PAX6: variants seen among roughly 807,000 people sequenced by gnomAD.
PAX6 encodes the protein paired box protein Pax-6.
Under a neutral mutation model 60.7 loss-of-function variants are expected in PAX6, and 7 were observed. The ratio of observed to expected loss-of-function variants is 0.12; its 90% CI spans 0.07 to 0.22. The LOEUF (loss-of-function observed/expected upper bound fraction) is 0.22. Among genes scored for constraint, PAX6 ranks in the 10% least tolerant of loss-of-function variants. PAX6 has a pLI of 1.00. For missense variants in PAX6, 355 were observed against 555.2 expected, an observed-to-expected ratio of 0.64 and a Z score of 3.62; for synonymous variants, 208 against 201.2, an observed-to-expected ratio of 1.03 and a Z score of -0.29.
At chr11:31,790,904 ACACAGC>A in intron 12 of PAX6, 44 bp from the exon 13 acceptor site, 1 of 1,601,802 alleles carries the variant, frequency 6.2e-7, no homozygotes, top group Middle Eastern at 1.7e-4. Context: ...GGAACACATC[ACACAGC>A]CACAGCCCCA....
chr11:31,807,925 C>A (rs1018123152), intron 2 of PAX6: 2 of 151,482 alleles, frequency 1.3e-5, no homozygotes, highest in African/African-American at 2.4e-5. Context: ...AAAAAAAAGT[C>A]TTTTGGGTGA....
Position 31,810,897 on chromosome 11 carries a change from C to T in PAX6, c.-198G>A. 1 of 399,144 alleles carries T rather than the reference C, an allele frequency of 2.5e-6. No homozygotes were observed. The highest frequency in any genetic ancestry group is 4.4e-6 in the Non-Finnish European group (1 of 226,122). 24.7% of individuals were successfully genotyped at this position (399,144 alleles called of 1,614,324 possible). ...TTTTGTTTGGTTGGGGTTTTTTGTG[C>T]TGCTGTTGTTGCTTGAAGACCACAA... On this transcript the variant is annotated 5_prime_UTR_variant, in exon 2 of 14. Transcript: ENST00000640368.
intron 8 of PAX6, among the ~76,000 whole-genome samples, chr11:31,798,938 C>A (rs1397584448): frequency 2.0e-5 from 3 of 152,236 alleles, no homozygotes; most frequent in African/African-American, 7.2e-5. Context: ...GGAGCCCACG[C>A]ACCGGGGAGA....
At position 31,793,688 on chromosome 11, in the gene PAX6, T is replaced by G; in HGVS notation, c.922A>C (p.Ser308Arg). The G allele has an allele frequency of 6.2e-7, 1 of 1,614,224 alleles. No individual in the cohort carries two copies. The highest frequency in any genetic ancestry group is 8.5e-7 in the Non-Finnish European group (1 of 1,180,028). ...GGTTGTGGAATTGGTTGGTAGACAC[T>G]GGTGCTGAAACTACTGCTGATAGGA... ...HIPISSSFST[S>R]VYQPIPQPTT... Residue 308 changes from serine (S) to arginine (R), a missense_variant, in exon 11 of 14, where the codon AGT becomes CGT. Coordinates refer to ENST00000640368, the MANE Select transcript of PAX6 (RefSeq NM_001368894.2).
At chr11:31,817,632 C>A (rs1318371735) in intron 1 of PAX6, among the ~76,000 whole-genome samples, 3 of 152,260 alleles carry the variant, frequency 2.0e-5, no homozygotes, top group Non-Finnish European at 2.9e-5. Flanking sequence ...CCTCCTCCAC[C>A]CCCCTTCCTA....
chr11:31,816,084 G>A (rs540892581), upstream of PAX6, among the ~76,000 whole-genome samples: 3 of 152,214 alleles, frequency 2.0e-5, no homozygotes, highest in Non-Finnish European at 2.9e-5. Flanking sequence ...CCTCAGGCCC[G>A]GCTCTGGCGC....
intron 2 of PAX6, chr11:31,810,601 C>G (rs1956862858): frequency 2.9e-6 from 1 of 339,728 alleles, no homozygotes; most frequent in Admixed American, 4.8e-5. Flanking sequence ...TGGCCGCCCG[C>G]CCCGAGCCCT....
chr11:31,811,440 A>C (rs1273539573), upstream of PAX6: 1 of 391,500 alleles, frequency 2.6e-6, no homozygotes, highest in Non-Finnish European at 4.5e-6. Context: ...GTTTGTTTGA[A>C]TATGAATACA....
chr11:31,798,189 T>C (rs1029187174), intron 8 of PAX6, among the ~76,000 whole-genome samples: 1 of 95,622 alleles, frequency 1.0e-5, no homozygotes, highest in Non-Finnish European at 2.0e-5. Context: ...ATAGAGGGCT[T>C]GGGTATTATG....
chr11:31,794,833 T>C, intron 8 of PAX6, 45 bp from the exon 9 acceptor site: 1 of 1,599,208 alleles, frequency 6.3e-7, no homozygotes. Flanking sequence ...TGGATTAACT[T>C]GGAGCCTCCA....
intron 8 of PAX6, among the ~76,000 whole-genome samples, chr11:31,796,908 G>A (rs1951742984): frequency 1.3e-5 from 2 of 152,070 alleles, no homozygotes; most frequent in Admixed American, 6.5e-5. Context: ...TGAGGGAGAC[G>A]CGCTCCGCTC....
intron 9 of PAX6, 184 bp downstream of exon 9, chr11:31,794,427 CACACACACACACACACACA>C: frequency 1.1e-4 from 1 of 9,272 alleles, no homozygotes; most frequent in African/African-American, 4.2e-3. Context: ...ACACCACACA[CACACACACACACACACACA>C]CACACACACA....
Position 31,802,693 on chromosome 11 carries a change from G to C in PAX6, c.141+11C>G, listed in dbSNP as rs752980037. On this transcript the variant is annotated intron_variant, in intron 5 of 13. Transcript: ENST00000640368. ...CGGGGGCGGCGAGTGGGGCGGCGCC[G>C]GGAGGATCACCTGCAGAATTCGGGA... The C allele has an allele frequency of 2.4e-5, 39 of 1,609,004 alleles. No homozygotes were observed. Among genetic ancestry groups the C allele is most frequent in the Non-Finnish European group, 3.3e-5 (39 of 1,177,432 alleles).
At chr11:31,811,893 C>T (rs12807311), upstream of PAX6, 4 of 152,482 alleles carry the variant, frequency 2.6e-5, no homozygotes, top group Admixed American at 1.3e-4. Context: ...GCGGCGAAGC[C>T]TAGGCCGAGA....
At chr11:31,791,157 C>G in intron 12 of PAX6, 1 of 468,182 alleles carries the variant, frequency 2.1e-6, no homozygotes, top group Non-Finnish European at 4.0e-6. Context: ...TGTCTCTAAC[C>G]TCTGCTAGCA....
chr11:31,790,503 T>A (rs1949547433), intron 13 of PAX6: 4 of 984,878 alleles, frequency 4.1e-6, no homozygotes, highest in Non-Finnish European at 4.8e-6. Context: ...TGTGACCAAA[T>A]TCAGGAAAAA....
chr11:31,799,015 A>G (rs1318838991), intron 8 of PAX6, among the ~76,000 whole-genome samples: 3 of 152,156 alleles, frequency 2.0e-5, no homozygotes, highest in African/African-American at 7.2e-5. Flanking sequence ...GTCCCTCCCC[A>G]AGACTTCTCG....
chr11:31,801,340 T>A (rs781132704), intron 7 of PAX6: 2 of 1,449,906 alleles, frequency 1.4e-6, no homozygotes, highest in Non-Finnish European at 1.8e-6. Context: ...TTTTGCAGCA[T>A]GCAAATGAAG....
chr11:31,796,779 G>C (rs1194354075), intron 8 of PAX6, among the ~76,000 whole-genome samples: 4 of 152,196 alleles, frequency 2.6e-5, no homozygotes, highest in Non-Finnish European at 4.4e-5. Context: ...GGCCGAACAA[G>C]AGTGGGAGAG....
Sources: gnomAD v4.1 joint callset for allele counts (sites outside exome capture counted in the v4.1 genomes callset) on GRCh38, gnomAD v4.1.1 for gene constraint, MANE v1.5 for transcripts, NCBI Gene and HGNC (gene_info 2026-07-23, HGNC 2026-07-21) for gene names.